WDPCP: variants seen among roughly 807,000 people sequenced by gnomAD.
WDPCP encodes WD repeat containing planar cell polarity effector, also known as WD repeat-containing and planar cell polarity effector protein fritz homolog.
In WDPCP, 71 loss-of-function variants were observed where a neutral mutation model predicts 93.1. The ratio of observed to expected loss-of-function variants is 0.76; its 90% CI spans 0.63 to 0.93. The LOEUF (loss-of-function observed/expected upper bound fraction) is 0.93, where lower values mean the gene tolerates loss of function less well. Ranked by LOEUF, WDPCP falls within the 40% of genes least tolerant of loss-of-function variation. WDPCP has a pLI of 0.00. For missense variants in WDPCP, 844 were observed against 887.4 expected, an observed-to-expected ratio of 0.95 and a Z score of 0.62; for synonymous variants, 315 against 315.0, an observed-to-expected ratio of 1.00 and a Z score of 0.00.
chr2:63,314,559 TCTC>T lies in WDPCP; in HGVS notation c.1749-1251_1749-1249del, dbSNP rs540062478. Among the ~76,000 whole-genome samples, 151 of 152,258 alleles carry T rather than the reference TCTC, an allele frequency of 9.9e-4. 1 individual carries two copies. Among genetic ancestry groups the T allele is most frequent in the Non-Finnish European group, 1.6e-3 (111 of 68,024 alleles). ...TATAAATTGCCCTTCCTTGAAACCCTCTCCTACCTTGGCTTGCCCTGCTTTCCT... is the reference window on the plus strand; with the variant it reads ...TATAAATTGCCCTTCCTTGAAACCCTCTACCTTGGCTTGCCCTGCTTTCCT... On this transcript the variant is annotated intron_variant, in intron 12 of 17. Transcript: ENST00000272321.
chr2:63,330,239 A>G (rs888027304), intron 12 of WDPCP, among the ~76,000 whole-genome samples: 1 of 152,200 alleles, frequency 6.6e-6, no homozygotes, highest in Non-Finnish European at 1.5e-5. Flanking sequence ...CTTGCCAGCC[A>G]CTTGTTACCT....
At chr2:63,792,387 G>C (rs1409824699) in intron 2 of WDPCP, among the ~76,000 whole-genome samples, 1 of 152,084 alleles carries the variant, frequency 6.6e-6, no homozygotes, top group Non-Finnish European at 1.5e-5. Flanking sequence ...AACAGCATGG[G>C]GGAAACTGCC....
chr2:63,272,074 G>A (rs1682706454), intron 13 of WDPCP, among the ~76,000 whole-genome samples: 1 of 152,118 alleles, frequency 6.6e-6, no homozygotes, highest in Non-Finnish European at 1.5e-5. Flanking sequence ...GCCCGCATAT[G>A]TCACCTGGGG....
chr2:63,561,881 C>T (rs989955119), intron 1 of WDPCP, among the ~76,000 whole-genome samples: 1 of 152,116 alleles, frequency 6.6e-6, no homozygotes, highest in African/African-American at 2.4e-5. Context: ...CAGATGCTGG[C>T]GGGGCTGTGG....
intron 12 of WDPCP, among the ~76,000 whole-genome samples, chr2:63,345,425 G>A (rs1689123794): frequency 1.3e-5 from 2 of 152,178 alleles, no homozygotes; most frequent in African/African-American, 4.8e-5. Flanking sequence ...GCAGGACACA[G>A]ATAGGCAAGT....
chr2:63,216,688 C>A (rs892457129), intron 14 of WDPCP, among the ~76,000 whole-genome samples: 1 of 151,074 alleles, frequency 6.6e-6, no homozygotes, highest in Non-Finnish European at 1.5e-5. Flanking sequence ...GTACATGTAC[C>A]CTAGAACTTA....
chr2:63,260,844 C>G (rs904067289), intron 13 of WDPCP, among the ~76,000 whole-genome samples: 1 of 152,146 alleles, frequency 6.6e-6, no homozygotes, highest in African/African-American at 2.4e-5. Context: ...CACCAGCACC[C>G]GGCCGGTAAA....
intron 13 of WDPCP, among the ~76,000 whole-genome samples, chr2:63,261,697 T>TAAAG (rs1165223954): frequency 6.6e-6 from 1 of 152,186 alleles, no homozygotes; most frequent in African/African-American, 2.4e-5. Flanking sequence ...ATTTCATCAA[T>TAAAG]AAAGATTTAT....
chr2:63,668,409 C>A (rs1405552587), intron 2 of WDPCP, among the ~76,000 whole-genome samples: 1 of 152,190 alleles, frequency 6.6e-6, no homozygotes, highest in Non-Finnish European at 1.5e-5. Flanking sequence ...TGTTCTATAC[C>A]TGTTTTTTCT....
intron 6 of WDPCP, among the ~76,000 whole-genome samples, chr2:63,465,883 G>C (rs1575472716): frequency 6.6e-6 from 1 of 152,258 alleles, no homozygotes; most frequent in South Asian, 2.1e-4. Context: ...TTGAAACTCT[G>C]AACTATCTGG....
chr2:63,644,917 GGT>G (rs1710031701), intron 3 of WDPCP, among the ~76,000 whole-genome samples: 1 of 151,908 alleles, frequency 6.6e-6, no homozygotes, highest in African/African-American at 2.4e-5. Flanking sequence ...GTTGGCTAAA[GGT>G]TTATCCATTT....
intron 1 of WDPCP, among the ~76,000 whole-genome samples, chr2:63,814,317 A>C (rs925863904): frequency 6.6e-6 from 1 of 152,042 alleles, no homozygotes; most frequent in Non-Finnish European, 1.5e-5. Flanking sequence ...TACTCAATGG[A>C]TGATTCGAAA....
intron 12 of WDPCP, among the ~76,000 whole-genome samples, chr2:63,372,909 A>G (rs1691518915): frequency 6.6e-6 from 1 of 152,094 alleles, no homozygotes; most frequent in Non-Finnish European, 1.5e-5. Context: ...GAATCACCTG[A>G]GGTTGGGAGT....
At chr2:63,702,899 G>A (rs908537381) in intron 2 of WDPCP, among the ~76,000 whole-genome samples, 1 of 151,512 alleles carries the variant, frequency 6.6e-6, no homozygotes, top group Non-Finnish European at 1.5e-5. Flanking sequence ...AGTCCCCAAT[G>A]TGTGATGTTC....
chr2:63,448,090 TCTTAC>T, intron 6 of WDPCP, among the ~76,000 whole-genome samples: 1 of 152,142 alleles, frequency 6.6e-6, no homozygotes, highest in East Asian at 1.9e-4. Flanking sequence ...CTTTTTAATC[TCTTAC>T]CTTTAGCTAA....
intron 3 of WDPCP, among the ~76,000 whole-genome samples, chr2:63,647,319 G>A (rs1710063718): frequency 6.6e-6 from 1 of 152,062 alleles, no homozygotes; most frequent in South Asian, 2.1e-4. Flanking sequence ...TGTATTTTTA[G>A]TAGAGATGGG....
At chr2:63,463,926 A>C (rs1189620325) in intron 6 of WDPCP, among the ~76,000 whole-genome samples, 2 of 152,170 alleles carry the variant, frequency 1.3e-5, no homozygotes, top group African/African-American at 4.8e-5. Flanking sequence ...TCCAGAAGAA[A>C]AGAGAGGAAA....
intron 7 of WDPCP, among the ~76,000 whole-genome samples, chr2:63,438,223 T>C (rs1211128089): frequency 2.0e-5 from 3 of 151,988 alleles, no homozygotes; most frequent in African/African-American, 7.2e-5. Context: ...AAAAACATGT[T>C]ACAGGAATTT....
At chr2:63,799,962 C>A (rs1014521752) in intron 2 of WDPCP, among the ~76,000 whole-genome samples, 1 of 152,084 alleles carries the variant, frequency 6.6e-6, no homozygotes, top group Non-Finnish European at 1.5e-5. Context: ...CTTTTGTATG[C>A]AATTGTGATG....
Sources: gnomAD v4.1 joint callset for allele counts (sites outside exome capture counted in the v4.1 genomes callset) on GRCh38, gnomAD v4.1.1 for gene constraint, MANE v1.5 for transcripts, NCBI Gene and HGNC (gene_info 2026-07-23, HGNC 2026-07-21) for gene names.